Variants in MTA3 observed in about 807,000 individuals in gnomAD.
MTA3 encodes the protein metastasis associated 1 family member 3.
Under a neutral mutation model 83.5 loss-of-function variants are expected in MTA3, and 34 were observed. The observed-to-expected ratio is 0.41, with a 90% CI of 0.31 to 0.54. MTA3 has a LOEUF of 0.54. Among genes scored for constraint, MTA3 ranks in the 20% least tolerant of loss-of-function variants. The pLI is 0.33. For synonymous variants in MTA3, 303 were observed against 252.7 expected (o/e 1.20, Z -1.89); for missense variants, 761 against 726.4 (o/e 1.05, Z -0.55).
intron 2 of MTA3, among the ~76,000 whole-genome samples, chr2:42,573,021 C>A (rs2103841587): frequency 6.6e-6 from 1 of 152,252 alleles, no homozygotes; most frequent in Middle Eastern, 3.4e-3. Flanking sequence ...GGCCACTGCG[C>A]CTGGCCAGGA....
At chr2:42,577,807 A>G (rs1406448767) in intron 2 of MTA3, among the ~76,000 whole-genome samples, 2 of 152,168 alleles carry the variant, frequency 1.3e-5, no homozygotes, top group Non-Finnish European at 2.9e-5. Flanking sequence ...AGAAGAGACA[A>G]AAATCACATT....
At chr2:42,669,852 A>G (rs1443147292) in intron 8 of MTA3, among the ~76,000 whole-genome samples, 2 of 152,210 alleles carry the variant, frequency 1.3e-5, no homozygotes, top group East Asian at 3.8e-4. Flanking sequence ...TCAGAAAGGC[A>G]CTGTAGATTT....
At chr2:42,506,969 T>A (rs1572894053) in intron 2 of MTA3, among the ~76,000 whole-genome samples, 2 of 152,074 alleles carry the variant, frequency 1.3e-5, no homozygotes, top group East Asian at 3.9e-4. Context: ...GTGGTGCAAT[T>A]ATAGGTCACT....
intron 9 of MTA3, among the ~76,000 whole-genome samples, chr2:42,695,366 G>A (rs900814714): frequency 1.3e-5 from 2 of 151,810 alleles, no homozygotes; most frequent in African/African-American, 4.8e-5. Flanking sequence ...CAGGTGTGAC[G>A]GCTCGCACCT....
intron 3 of MTA3, among the ~76,000 whole-genome samples, chr2:42,594,261 T>A (rs1307771791): frequency 8.2e-6 from 1 of 122,448 alleles, no homozygotes. Context: ...TTTTTTTTTT[T>A]TTTTAAAAGA....
Position 42,585,276 on chromosome 2 carries a change from C to T in MTA3, c.190+6076C>T, listed in dbSNP as rs546066247. ...GCTAATTTTGTATTTTTAGTAGAGA[C>T]GGGGTTTCTCCATGTTGGTCAGGGT... On this transcript the variant is annotated intron_variant, in intron 3 of 16. Transcript: ENST00000405094. 4.0e-5 allele frequency among the ~76,000 whole-genome samples: 6 copies of T among 151,700 alleles called. No individual in the cohort carries two copies. In the South Asian group the frequency reaches 6.3e-4, roughly 16 times the overall value.
intron 3 of MTA3, among the ~76,000 whole-genome samples, chr2:42,607,055 C>T (rs1050253445): frequency 3.3e-4 from 40 of 122,446 alleles, no homozygotes; most frequent in South Asian, 7.0e-4. Context: ...AGAGGGAGAC[C>T]GGAGGTAGAG....
intron 4 of MTA3, among the ~76,000 whole-genome samples, chr2:42,637,518 T>C (rs1687312347): frequency 6.6e-6 from 1 of 152,192 alleles, no homozygotes; most frequent in South Asian, 2.1e-4. Context: ...ACGCTTTAAA[T>C]CTCTTTTTAA....
chr2:42,696,339 G>A (rs1480760206), intron 10 of MTA3, among the ~76,000 whole-genome samples: 2 of 152,024 alleles, frequency 1.3e-5, no homozygotes, highest in Non-Finnish European at 2.9e-5. Flanking sequence ...CTGTACATAA[G>A]CTTTTTCTTA....
chr2:42,566,482 G>A (rs1677914700), upstream of MTA3, among the ~76,000 whole-genome samples: 1 of 152,070 alleles, frequency 6.6e-6, no homozygotes, highest in South Asian at 2.1e-4. Context: ...CTAATATATA[G>A]AATCTAGAGC....
chr2:42,556,783 G>A (rs538579752), intron 2 of MTA3, among the ~76,000 whole-genome samples: 1 of 152,290 alleles, frequency 6.6e-6, no homozygotes, highest in African/African-American at 2.4e-5. Flanking sequence ...GGAAGAGGTA[G>A]AAGCACCAAG....
chr2:42,615,048 C>A (rs1421257006), intron 4 of MTA3, among the ~76,000 whole-genome samples: 1 of 151,364 alleles, frequency 6.6e-6, no homozygotes, highest in African/African-American at 2.4e-5. Flanking sequence ...CCCGGCACTT[C>A]TGGAGGCCGA....
intron 12 of MTA3, among the ~76,000 whole-genome samples, chr2:42,705,232 G>A (rs992442858): frequency 3.3e-5 from 5 of 152,144 alleles, no homozygotes; most frequent in Admixed American, 1.3e-4. Context: ...TTTTTTTGCA[G>A]CATGGGAGCA....
chr2:42,696,937 A>G (rs1473105272), intron 10 of MTA3, among the ~76,000 whole-genome samples: 2 of 152,234 alleles, frequency 1.3e-5, no homozygotes, highest in Non-Finnish European at 2.9e-5. Flanking sequence ...AAGAGTCTCT[A>G]AAGATGGAGA....
intron 2 of MTA3, among the ~76,000 whole-genome samples, chr2:42,562,902 A>G (rs1402742652): frequency 6.6e-6 from 1 of 152,036 alleles, no homozygotes; most frequent in Non-Finnish European, 1.5e-5. Context: ...CCTGTCCACT[A>G]TCCTCTTCCC....
Position 42,656,311 on chromosome 2 carries a change from G to C in MTA3, c.602+9G>C. ...TTTTTAGTTGTAGCACGGTGAGTAT[G>C]AGTATGGCATTATTGAGTCAATAAA... On this transcript the variant is annotated intron_variant, in intron 7 of 16. Transcript: ENST00000405094. The C allele has an allele frequency of 6.3e-7, 1 of 1,578,980 alleles. No homozygotes were observed. Among genetic ancestry groups the C allele is most frequent in the South Asian group, 1.1e-5 (1 of 89,998 alleles).
intron 3 of MTA3, among the ~76,000 whole-genome samples, chr2:42,607,833 C>T (rs1056403640): frequency 1.3e-5 from 2 of 152,162 alleles, no homozygotes; most frequent in Non-Finnish European, 2.9e-5. Flanking sequence ...CGCCTGTAAT[C>T]CCAGCTACTC....
At chr2:42,597,163 C>T (rs556099987) in intron 3 of MTA3, among the ~76,000 whole-genome samples, 360 of 152,070 alleles carry the variant, frequency 2.4e-3, no homozygotes, top group Non-Finnish European at 4.2e-3. Flanking sequence ...CCGCCCACCT[C>T]GGCCTACCAA....
At chr2:42,681,455 A>G (rs1360833663) in intron 8 of MTA3, among the ~76,000 whole-genome samples, 1 of 152,180 alleles carries the variant, frequency 6.6e-6, no homozygotes, top group Non-Finnish European at 1.5e-5. Context: ...TCCCTGGTCA[A>G]GAATGGCTGT....
Sources: allele counts gnomAD v4.1 joint callset (sites outside exome capture counted in the v4.1 genomes callset), GRCh38; gene constraint gnomAD v4.1.1; transcripts MANE v1.5; gene names NCBI Gene and HGNC (gene_info 2026-07-23, HGNC 2026-07-21).